PIGK: variants seen among roughly 807,000 people sequenced by gnomAD.
PIGK encodes GPI-anchor transamidase.
PIGK carries 42 observed loss-of-function variants against 50.6 expected under a neutral mutation model. The observed-to-expected ratio is 0.83, with a 90% CI of 0.65 to 1.07. The LOEUF is 1.07. Ranked by LOEUF, PIGK falls within the 50% of genes least tolerant of loss-of-function variation. PIGK has a pLI of 0.00. For missense variants in PIGK, 448 were observed against 488.7 expected, an observed-to-expected ratio of 0.92 and a Z score of 0.78; for synonymous variants, 151 against 156.0, an observed-to-expected ratio of 0.97 and a Z score of 0.24.
chr1:77,092,942 A>G (rs967127283), intron 10 of PIGK, among the ~76,000 whole-genome samples: 1 of 152,122 alleles, frequency 6.6e-6, no homozygotes, highest in African/African-American at 2.4e-5. Flanking sequence ...TATCATAGTG[A>G]GTAAATCAGT....
intron 9 of PIGK, among the ~76,000 whole-genome samples, chr1:77,126,555 T>C (rs925793016): frequency 3.9e-5 from 6 of 152,138 alleles, no homozygotes; most frequent in Non-Finnish European, 5.9e-5. Flanking sequence ...TGCTTTCTTC[T>C]TTCCTTTCAC....
intron 3 of PIGK, among the ~76,000 whole-genome samples, chr1:77,171,156 GC>G (rs1381903140): frequency 6.6e-6 from 1 of 151,896 alleles, no homozygotes; most frequent in Non-Finnish European, 1.5e-5. Context: ...AATATTTCTG[GC>G]CAGGCACAGT....
At chr1:77,176,719 A>G (rs763359648) in intron 3 of PIGK, among the ~76,000 whole-genome samples, 2 of 152,144 alleles carry the variant, frequency 1.3e-5, no homozygotes, top group African/African-American at 2.4e-5. Flanking sequence ...ATGATAACCC[A>G]TCAGTTAGTT....
intron 9 of PIGK, among the ~76,000 whole-genome samples, chr1:77,135,375 T>C (rs115494045): frequency 0.018 from 2,762 of 152,160 alleles, 76 homozygotes; most frequent in African/African-American, 0.064. Context: ...TGTTATATAC[T>C]CTATGTACTA....
chr1:77,167,844 T>C (rs1327721522), intron 4 of PIGK, among the ~76,000 whole-genome samples: 2 of 152,204 alleles, frequency 1.3e-5, no homozygotes, highest in Non-Finnish European at 2.9e-5. Flanking sequence ...ACTACATTAT[T>C]GCAGCTAATC....
At chr1:77,195,931 C>A (rs1445250509) in intron 3 of PIGK, among the ~76,000 whole-genome samples, 2 of 152,042 alleles carry the variant, frequency 1.3e-5, no homozygotes, top group Non-Finnish European at 2.9e-5. Context: ...TCCTGCTACC[C>A]AGGTACTAAG....
intron 9 of PIGK, among the ~76,000 whole-genome samples, chr1:77,152,156 C>A (rs757204953): frequency 3.9e-5 from 6 of 151,990 alleles, no homozygotes; most frequent in Non-Finnish European, 8.8e-5. Flanking sequence ...AAAACAGACA[C>A]ACAGACCAAT....
intron 9 of PIGK, among the ~76,000 whole-genome samples, chr1:77,142,608 T>G (rs552707810): frequency 6.6e-6 from 1 of 152,192 alleles, no homozygotes; most frequent in Non-Finnish European, 1.5e-5. Flanking sequence ...CTTAGGAAAC[T>G]TACGAACATG....
At chr1:77,169,850 G>C (rs1655321936) in intron 3 of PIGK, among the ~76,000 whole-genome samples, 1 of 152,166 alleles carries the variant, frequency 6.6e-6, no homozygotes, top group South Asian at 2.1e-4. Flanking sequence ...GTTAAACTAT[G>C]ATGTCCCAAA....
intron 10 of PIGK, among the ~76,000 whole-genome samples, chr1:77,119,380 C>T (rs1039656103): frequency 2.0e-5 from 3 of 152,150 alleles, no homozygotes; most frequent in African/African-American, 7.2e-5. Flanking sequence ...TTATAGTTCT[C>T]TTCACTGCTG....
rs760866350 is a variant in PIGK, at chr1:77,210,429, T to C, written c.147+7A>G. ...AACAGCAAGGTATACTTTTACAGTA[T>C]ACTTACCAGAACAGCCCAGTTGTTT... is the stretch of plus-strand genomic sequence containing the variant. On this transcript the variant is annotated splice_region_variant and intron_variant, in intron 2 of 10. Coordinates refer to ENST00000370812, the MANE Select transcript of PIGK (RefSeq NM_005482.3). The C allele has an allele frequency of 3.8e-6, 6 of 1,572,954 alleles. No individual in the cohort carries two copies. The highest frequency in any genetic ancestry group is 4.3e-6 in the Non-Finnish European group (5 of 1,150,242).
intron 9 of PIGK, among the ~76,000 whole-genome samples, chr1:77,129,874 G>A (rs1433449469): frequency 1.3e-5 from 2 of 151,864 alleles, no homozygotes; most frequent in African/African-American, 2.4e-5. Context: ...TATCCAAAAT[G>A]ACTGTATCAA....
intron 10 of PIGK, among the ~76,000 whole-genome samples, chr1:77,093,028 T>C (rs150191762): frequency 4.2e-4 from 64 of 152,056 alleles, no homozygotes; most frequent in Non-Finnish European, 6.2e-4. Flanking sequence ...TTGGGTCATG[T>C]TTTTCCCTTG....
chr1:77,184,311 A>G (rs188484215), intron 3 of PIGK, among the ~76,000 whole-genome samples: 176 of 152,250 alleles, frequency 1.2e-3, no homozygotes, highest in Middle Eastern at 3.4e-3. Context: ...GATTTGAATT[A>G]CAAAAACAGA....
In PIGK at chr1:77,166,836, G is replaced by C; in HGVS notation, c.376-6C>G. On this transcript the variant is annotated splice_polypyrimidine_tract_variant and splice_region_variant and intron_variant, in intron 4 of 10. Coordinates refer to ENST00000370812, the MANE Select transcript of PIGK (RefSeq NM_005482.3). ...AAAAAATTCTCCACAGTTACCTAAG[G>C]GGGAAAAAACAAGAAAAATCAGATG... 7.4e-7 allele frequency: 1 copy of C among 1,359,180 alleles called. No individual in the cohort carries two copies. Among genetic ancestry groups the C allele is most frequent in the Non-Finnish European group, 1.0e-6 (1 of 964,994 alleles). The allele number at this position is 1,359,180 out of a possible 1,614,324, so 84.2% of individuals were successfully genotyped here.
rs141511071 is a variant in PIGK at position 77,105,968 on chromosome 1, A to G, written c.1072-13478T>C. On this transcript the variant is annotated intron_variant, in intron 10 of 10. Coordinates refer to ENST00000370812, the MANE Select transcript of PIGK (RefSeq NM_005482.3). ...AAAGACATCTTTAAAGTGCTGAAAG[A>G]AAAACTAAAAATCTTAATCTTGAAT... is the stretch of plus-strand genomic sequence containing the variant. 2.6e-4 allele frequency among the ~76,000 whole-genome samples: 39 copies of G among 152,362 alleles called. 1 individual carries two copies. The East Asian group carries it at 7.1e-3, about 28-fold the overall frequency.
At chr1:77,179,607 T>C (rs189398699) in intron 3 of PIGK, among the ~76,000 whole-genome samples, 1 of 152,308 alleles carries the variant, frequency 6.6e-6, no homozygotes, top group East Asian at 1.9e-4. Flanking sequence ...TTTTTTTCTC[T>C]ATAAATATTC....
chr1:77,135,955 C>T (rs1376145888), intron 9 of PIGK, among the ~76,000 whole-genome samples: 2 of 152,058 alleles, frequency 1.3e-5, no homozygotes, highest in African/African-American at 4.8e-5. Context: ...TCAGTTTTTG[C>T]TTAAATTTAC....
chr1:77,141,022 T>TA (rs1285637041), intron 9 of PIGK, among the ~76,000 whole-genome samples: 1 of 152,180 alleles, frequency 6.6e-6, no homozygotes, highest in Non-Finnish European at 1.5e-5. Context: ...AAGAGAAATA[T>TA]AAAATACTAT....
Sources: allele counts gnomAD v4.1 joint callset (sites outside exome capture counted in the v4.1 genomes callset), GRCh38; gene constraint gnomAD v4.1.1; transcripts MANE v1.5; gene names NCBI Gene and HGNC (gene_info 2026-07-23, HGNC 2026-07-21).